NRXN3: variants seen among roughly 807,000 people sequenced by gnomAD.
NRXN3 encodes neurexin 3, also known as neurexin III.
Under a neutral mutation model 137.6 loss-of-function variants are expected in NRXN3, and 32 were observed. The ratio of observed to expected loss-of-function variants is 0.23; its 90% CI spans 0.18 to 0.31. The LOEUF is 0.31. NRXN3 is among the 10% of genes least tolerant of loss of function. The pLI, the probability that NRXN3 is intolerant of heterozygous loss-of-function variation, is 1.00. For synonymous variants in NRXN3, 798 were observed against 784.5 expected (o/e 1.02, Z -0.29); for missense variants, 1,574 against 2,062.5 (o/e 0.76, Z 4.59).
At chr14:79,653,651 T>A (rs1429956684) in intron 16 of NRXN3, among the ~76,000 whole-genome samples, 1 of 152,192 alleles carries the variant, frequency 6.6e-6, no homozygotes, top group Non-Finnish European at 1.5e-5. Flanking sequence ...GATAGATTAG[T>A]TTATGCCTAA....
chr14:78,282,004 A>T, intron 3 of NRXN3: 1 of 405,212 alleles, frequency 2.5e-6, no homozygotes, highest in Non-Finnish European at 5.1e-6. Flanking sequence ...CCACAAGCAC[A>T]TGGGGAGTTT....
intron 6 of NRXN3, among the ~76,000 whole-genome samples, chr14:78,660,276 T>TATATATATATATATATATATA (rs1566997203): frequency 4.0e-5 from 6 of 150,236 alleles, no homozygotes; most frequent in African/African-American, 1.5e-4. Context: ...TATATATATA[T>TATATATATATATATATATATA]TTGGCAACTG....
intron 4 of NRXN3, among the ~76,000 whole-genome samples, chr14:78,615,480 G>A (rs562512781): frequency 8.6e-5 from 13 of 151,810 alleles, no homozygotes; most frequent in Admixed American, 4.6e-4. Context: ...TTGTGGTGGC[G>A]GGTGCCTGTA....
At chr14:79,133,601 G>A (rs1435668260) in intron 15 of NRXN3, among the ~76,000 whole-genome samples, 2 of 152,094 alleles carry the variant, frequency 1.3e-5, no homozygotes, top group African/African-American at 2.4e-5. Flanking sequence ...TATGCTTTAA[G>A]CCTTGTTCCA....
At chr14:79,376,940 T>G (rs2094319784) in intron 15 of NRXN3, among the ~76,000 whole-genome samples, 1 of 152,208 alleles carries the variant, frequency 6.6e-6, no homozygotes, top group Non-Finnish European at 1.5e-5. Flanking sequence ...ACCTTTTAGT[T>G]GTAGTTATTT....
At chr14:79,791,699 C>T (rs912225644) in intron 19 of NRXN3, among the ~76,000 whole-genome samples, 1 of 151,890 alleles carries the variant, frequency 6.6e-6, no homozygotes, top group African/African-American at 2.4e-5. Flanking sequence ...CCACATGTCC[C>T]GTGCAAACCC....
chr14:79,789,850 A>T (rs568698326), intron 19 of NRXN3, among the ~76,000 whole-genome samples: 2 of 152,278 alleles, frequency 1.3e-5, no homozygotes, highest in Admixed American at 6.5e-5. Context: ...CTATCTGGGA[A>T]TGCAGCCCAG....
chr14:79,631,497 G>A (rs1002493721), intron 16 of NRXN3, among the ~76,000 whole-genome samples: 1 of 152,210 alleles, frequency 6.6e-6, no homozygotes, highest in Non-Finnish European at 1.5e-5. Context: ...GCGCTCGCTG[G>A]CAGGCAAGGG....
intron 16 of NRXN3, among the ~76,000 whole-genome samples, chr14:79,472,592 G>A (rs943407318): frequency 7.9e-5 from 12 of 152,264 alleles, no homozygotes; most frequent in South Asian, 2.1e-4. Context: ...TCTGTAGAGC[G>A]AGGGTGTCTT....
At chr14:79,192,220 C>T (rs1018021656) in intron 15 of NRXN3, among the ~76,000 whole-genome samples, 1 of 152,168 alleles carries the variant, frequency 6.6e-6, no homozygotes, top group African/African-American at 2.4e-5. Context: ...CTCCAGGTTA[C>T]TGATCATCTC....
intron 4 of NRXN3, among the ~76,000 whole-genome samples, chr14:78,325,220 G>A (rs374470812): frequency 6.6e-5 from 10 of 151,954 alleles, no homozygotes; most frequent in Admixed American, 3.3e-4. Context: ...TGAACTGAAC[G>A]TGAGGAATGG....
chr14:79,141,998 T>G (rs1005897977), intron 15 of NRXN3, among the ~76,000 whole-genome samples: 1 of 152,118 alleles, frequency 6.6e-6, no homozygotes, highest in Non-Finnish European at 1.5e-5. Context: ...TAAGACCATA[T>G]GATGAAGTAC....
chr14:79,010,449 G>A (rs1870620200), intron 15 of NRXN3, among the ~76,000 whole-genome samples: 1 of 152,128 alleles, frequency 6.6e-6, no homozygotes, highest in Admixed American at 6.5e-5. Flanking sequence ...CCATATGAGT[G>A]TAACTCATAC....
At chr14:78,651,722 C>T (rs1018005763) in intron 6 of NRXN3, among the ~76,000 whole-genome samples, 8 of 152,198 alleles carry the variant, frequency 5.3e-5, no homozygotes, top group Non-Finnish European at 1.0e-4. Context: ...AGGAACTCCT[C>T]TTTAATAAAA....
intron 16 of NRXN3, among the ~76,000 whole-genome samples, chr14:79,549,960 G>GTGTT (rs150751981): frequency 0.086 from 11,555 of 134,478 alleles, 498 homozygotes; most frequent in Non-Finnish European, 0.12. Flanking sequence ...ATATTGTTGG[G>GTGTT]TGTTTGTTTG....
intron 16 of NRXN3, among the ~76,000 whole-genome samples, chr14:79,656,218 G>A (rs1028136829): frequency 2.0e-5 from 3 of 152,176 alleles, no homozygotes; most frequent in Non-Finnish European, 2.9e-5. Flanking sequence ...GAGATTTAGC[G>A]GGGAAACCGG....
chr14:78,532,743 T>C (rs923175783), intron 4 of NRXN3, among the ~76,000 whole-genome samples: 2 of 152,096 alleles, frequency 1.3e-5, no homozygotes, highest in Non-Finnish European at 1.5e-5. Flanking sequence ...TCTTCTTCTT[T>C]TTTTTTTCCT....
At chr14:79,805,757 T>A (rs984201868) in intron 20 of NRXN3, among the ~76,000 whole-genome samples, 1 of 152,174 alleles carries the variant, frequency 6.6e-6, no homozygotes, top group African/African-American at 2.4e-5. Flanking sequence ...TTGTTAACTG[T>A]GTGTCTAGAA....
intron 4 of NRXN3, among the ~76,000 whole-genome samples, chr14:78,330,658 T>A (rs940434249): frequency 1.3e-5 from 2 of 152,192 alleles, no homozygotes; most frequent in African/African-American, 4.8e-5. Flanking sequence ...TTGCCATGTA[T>A]GATATACTTG....
Sources: allele counts gnomAD v4.1 joint callset (sites outside exome capture counted in the v4.1 genomes callset), GRCh38; gene constraint gnomAD v4.1.1; transcripts MANE v1.5; gene names NCBI Gene and HGNC (gene_info 2026-07-23, HGNC 2026-07-21).